RBIS: variants seen among roughly 807,000 people sequenced by gnomAD.
RBIS encodes the protein ribosomal biogenesis factor.
In RBIS, 9 loss-of-function variants were observed where a neutral mutation model predicts 9.8. That is an observed-to-expected ratio of 0.92 (90% CI 0.56 to 1.61). The LOEUF (loss-of-function observed/expected upper bound fraction) is 1.61. Ranked by LOEUF, RBIS falls within the 40% of genes most tolerant of loss-of-function variation. The probability of loss-of-function intolerance (pLI) is 0.00; values close to 1 mark genes in which losing one functional copy is unlikely to be tolerated. For missense variants in RBIS, 103 were observed against 116.0 expected, an observed-to-expected ratio of 0.89 and a Z score of 0.51; for synonymous variants, 35 against 37.9, an observed-to-expected ratio of 0.92 and a Z score of 0.28.
At chr8:85,217,791 T>C (rs1343683621) in intron 1 of RBIS, 2 of 387,362 alleles carry the variant, frequency 5.2e-6, no homozygotes, top group African/African-American at 4.1e-5. Flanking sequence ...CAATAACTGT[T>C]ATTCTCAGCA....
intron 2 of RBIS, 153 bp downstream of exon 2, chr8:85,217,233 T>A (rs1275417155): frequency 7.5e-6 from 5 of 669,164 alleles, no homozygotes; most frequent in South Asian, 1.7e-5. Flanking sequence ...TCCTTTTTTT[T>A]TATATTTTTT....
chr8:85,214,383 A>G lies in RBIS; in HGVS notation c.*177T>C. The G allele has an allele frequency of 1.6e-6, 1 of 616,740 alleles. No homozygotes were observed. The highest frequency in any genetic ancestry group is 1.9e-5 in the African/African-American group (1 of 53,810). The allele number at this position is 616,740 out of a possible 1,614,324, so 38.2% of individuals were successfully genotyped here. A position where few individuals can be genotyped will look rare whatever the true frequency, so the allele number is the denominator to read the frequency against. On this transcript the variant is annotated 3_prime_UTR_variant, in exon 4 of 4. Transcript: ENST00000619594. ...CCTTCTGTTTTAGCACTTTAAGTTTATCACATTTTGTTGACTTCTGACATT... is the reference window on the plus strand; with the variant it reads ...CCTTCTGTTTTAGCACTTTAAGTTTGTCACATTTTGTTGACTTCTGACATT...
At position 85,214,595 on chromosome 8, in the gene RBIS, C is replaced by T. The variant is rs1159400859; in HGVS notation, c.268G>A (p.Val90Ile). The change falls in exon 4 of 4, where the codon GTT (valine) becomes ATT (isoleucine). Residue 90 changes from valine (V) to isoleucine (I), a missense_variant. Val to Ile is a conservative substitution (Grantham distance 29). Transcript: ENST00000619594. ...GCCATTAATCTTGTAGCTTCATCAACATTAACTGGTTTGCTTTCATGACGC... is the reference window on the plus strand; with the variant it reads ...GCCATTAATCTTGTAGCTTCATCAATATTAACTGGTTTGCTTTCATGACGC... ...QQRHESKPVN[V>I]DEATRLMALL The T allele has an allele frequency of 1.0e-4, 163 of 1,574,392 alleles. No homozygotes were observed. The East Asian group carries it at 2.0e-3, about 19-fold the overall frequency.
chr8:85,215,776 G>A (rs2129807726), intron 2 of RBIS: 1 of 152,354 alleles, frequency 6.6e-6, no homozygotes, highest in South Asian at 2.1e-4. Flanking sequence ...CCTGGGTTCT[G>A]TGAGCTGCTC....
intron 1 of RBIS, among the ~76,000 whole-genome samples, chr8:85,219,873 CATAA>C (rs1392928741): frequency 1.3e-5 from 2 of 151,924 alleles, no homozygotes; most frequent in African/African-American, 4.8e-5. Context: ...ATATATGGAA[CATAA>C]ATAATGACAG....
In RBIS at chr8:85,214,178, C is replaced by A; in HGVS notation, c.*382G>T. On this transcript the variant is annotated 3_prime_UTR_variant, in exon 4 of 4. Transcript: ENST00000619594. ...TCTTAAGGAGGAAAGTTAAAGGACACTACAGGTCATCAAAAACAAGTTGGC... is the reference window on the plus strand; with the variant it reads ...TCTTAAGGAGGAAAGTTAAAGGACAATACAGGTCATCAAAAACAAGTTGGC... 1.9e-6 allele frequency: 1 copy of A among 536,708 alleles called. No individual in the cohort carries two copies. The allele number at this position is 536,708 out of a possible 1,614,324, so 33.2% of individuals were successfully genotyped here.
chr8:85,216,292 CTT>C (rs916247535), intron 2 of RBIS: 11 of 152,406 alleles, frequency 7.2e-5, no homozygotes, highest in East Asian at 1.9e-4. Flanking sequence ...CAGTCCTCCT[CTT>C]GAGTTTAACA....
intron 2 of RBIS, chr8:85,215,293 A>G (rs888169824): frequency 2.6e-5 from 5 of 194,954 alleles, no homozygotes; most frequent in Non-Finnish European, 5.2e-5. Flanking sequence ...ATTGTGATTC[A>G]TAATAAGATA....
chr8:85,214,592 C>G lies in RBIS; in HGVS notation c.271G>C (p.Asp91His). The change falls in exon 4 of 4, where the codon GAT becomes CAT. Residue 91 changes from aspartate to histidine, a missense_variant. Physicochemically the swap from Asp to His is moderately conservative, Grantham distance 81 (BLOSUM62 -1). Transcript: ENST00000619594. Reference sequence around the variant, plus strand: ...AGAGCCATTAATCTTGTAGCTTCATCAACATTAACTGGTTTGCTTTCATGA... The same window carrying G: ...AGAGCCATTAATCTTGTAGCTTCATGAACATTAACTGGTTTGCTTTCATGA... The part of the protein sequence containing the change: ...QRHESKPVNV[D>H]EATRLMALL The G allele has an allele frequency of 6.3e-7, 1 of 1,585,570 alleles. No individual in the cohort carries two copies. Among genetic ancestry groups the G allele is most frequent in the South Asian group, 1.1e-5 (1 of 90,262 alleles).
Position 85,214,223 on chromosome 8 carries a change from T to C in RBIS, c.*337A>G. On this transcript the variant is annotated 3_prime_UTR_variant, in exon 4 of 4. Transcript: ENST00000619594. Reference sequence around the variant, plus strand: ...GTTGGCCAAGGACTCATTACTTGTCTTATATTTTTACTGCCACTAAACTGC... The same window carrying C: ...GTTGGCCAAGGACTCATTACTTGTCCTATATTTTTACTGCCACTAAACTGC... The C allele has an allele frequency of 1.8e-6, 1 of 542,020 alleles. No homozygotes were observed. 33.6% of individuals were successfully genotyped at this position (542,020 alleles called of 1,614,324 possible). A position where few individuals can be genotyped will look rare whatever the true frequency, so the allele number is the denominator to read the frequency against.
At position 85,217,471 on chromosome 8, in the gene RBIS, T is replaced by A. The variant is rs1813199716; in HGVS notation, c.29A>T (p.Lys10Met). 3 of 1,611,952 alleles carry A rather than the reference T, an allele frequency of 1.9e-6. No homozygotes were observed. Among genetic ancestry groups the A allele is most frequent in the Non-Finnish European group, 2.5e-6 (3 of 1,179,384 alleles). Residue 10 changes from lysine (K) to methionine (M), a missense_variant, in exon 2 of 4, where the codon AAG (lysine) becomes ATG (methionine). Lys to Met is a moderately conservative substitution (Grantham distance 95). Transcript: ENST00000619594. MAKNKLRGP[K>M]SRNVFHIASQ... ...GGCTATGTGAAATACATTCCTGGAC[T>A]TCGGCCCTCTTAATTTGTTCTTGGC...
intron 2 of RBIS, 74 bp from the exon 3 acceptor site, chr8:85,215,111 G>T: frequency 3.7e-6 from 2 of 545,768 alleles, no homozygotes; most frequent in Non-Finnish European, 3.1e-6. Context: ...ACCTTAACCT[G>T]TTAAATCTAA....
At chr8:85,217,560 T>C (rs1813202670) in intron 1 of RBIS, 58 bp from the exon 2 acceptor site, 1 of 1,124,218 alleles carries the variant, frequency 8.9e-7, no homozygotes, top group Non-Finnish European at 1.3e-6. Flanking sequence ...TAAGTCAATT[T>C]TAAGTTTTTA....
At chr8:85,217,341 C>A (rs1472614351) in intron 2 of RBIS, 45 bp downstream of exon 2, 1 of 1,116,476 alleles carries the variant, frequency 9.0e-7, no homozygotes, top group African/African-American at 1.5e-5. Context: ...TACAATGACA[C>A]TTTGCTTGTA....
chr8:85,214,107 C>T lies in RBIS; in HGVS notation c.*453G>A, dbSNP rs150029991. 9.4e-4 allele frequency: 542 copies of T among 575,114 alleles called. 11 individuals carry two copies. The East Asian group carries it at 0.018, about 20-fold the overall frequency. The allele number at this position is 575,114 out of a possible 1,614,324, so 35.6% of individuals were successfully genotyped here. A position where few individuals can be genotyped will look rare whatever the true frequency, so the allele number is the denominator to read the frequency against. On this transcript the variant is annotated 3_prime_UTR_variant, in exon 4 of 4. Coordinates refer to ENST00000619594, the MANE Select transcript of RBIS (RefSeq NM_001099673.3). ...CCCCACTCCCAAAAGTAACTATATTCTGGATTTCAACTTTTCTTCTAATTG... is the reference window on the plus strand; with the variant it reads ...CCCCACTCCCAAAAGTAACTATATTTTGGATTTCAACTTTTCTTCTAATTG...
At chr8:85,217,898 CTTT>C (rs963550994) in intron 1 of RBIS, among the ~76,000 whole-genome samples, 2 of 152,186 alleles carry the variant, frequency 1.3e-5, no homozygotes, top group African/African-American at 4.8e-5. Context: ...TTCTTGACTT[CTTT>C]TTTATTCCTT....
At chr8:85,215,554 A>C (rs1005742457) in intron 2 of RBIS, 2 of 152,208 alleles carry the variant, frequency 1.3e-5, no homozygotes, top group African/African-American at 4.8e-5. Flanking sequence ...TTATGCCTAC[A>C]TAATGAAGCC....
Position 85,220,104 on chromosome 8 carries a change from G to C in RBIS, c.-4+202C>G, listed in dbSNP as rs80341782. Among the ~76,000 whole-genome samples, 3,645 of 152,174 alleles carry C rather than the reference G, an allele frequency of 0.024. 146 individuals carry two copies. The highest frequency in any genetic ancestry group is 0.084 in the African/African-American group (3,467 of 41,490). ...GTAGAAACTGATCATGAAAGACACA[G>C]CCCAAAACTGGGACCCCGTCAGGAG... is the stretch of plus-strand genomic sequence containing the variant. On this transcript the variant is annotated intron_variant, in intron 1 of 3. Coordinates refer to ENST00000619594, the MANE Select transcript of RBIS (RefSeq NM_001099673.3).
In RBIS at chr8:85,217,446, G is replaced by A. The variant is rs895060537; in HGVS notation, c.54C>T (p.Ala18=). Residue 18 remains alanine (A), a synonymous_variant, in exon 2 of 4, where the codon GCC becomes GCT. Transcript: ENST00000619594. ...TTTTAGCCTTAAAGTTTTTTTGGCT[G>A]GCTATGTGAAATACATTCCTGGACT... ...GPKSRNVFHI[A]SQKNFKAKNK... is the part of the protein sequence containing the mutation. The A allele has an allele frequency of 3.7e-6, 6 of 1,612,628 alleles. No homozygotes were observed. Among genetic ancestry groups the A allele is most frequent in the Non-Finnish European group, 4.2e-6 (5 of 1,179,614 alleles).
Sources: allele counts gnomAD v4.1 joint callset (sites outside exome capture counted in the v4.1 genomes callset), GRCh38; gene constraint gnomAD v4.1.1; transcripts MANE v1.5; gene names NCBI Gene and HGNC (gene_info 2026-07-23, HGNC 2026-07-21).